The following RASA1 variants were observed in gnomAD, a reference collection of about 807,000 sequenced individuals.
The protein encoded by RASA1 is ras GTPase-activating protein 1.
In RASA1, 25 loss-of-function variants were observed where a neutral mutation model predicts 132.2. The ratio of observed to expected loss-of-function variants is 0.19; its 90% CI spans 0.14 to 0.26. The LOEUF (loss-of-function observed/expected upper bound fraction) is 0.26, where lower values mean the gene tolerates loss of function less well. RASA1 is among the 10% of genes least tolerant of loss of function. RASA1 has a pLI of 1.00. For missense variants in RASA1, 964 were observed against 1,299.2 expected, an observed-to-expected ratio of 0.74 and a Z score of 3.97; for synonymous variants, 477 against 449.9, an observed-to-expected ratio of 1.06 and a Z score of -0.76.
intron 1 of RASA1, among the ~76,000 whole-genome samples, chr5:87,288,375 G>A (rs983360425): frequency 3.0e-4 from 45 of 151,936 alleles, no homozygotes; most frequent in Non-Finnish European, 6.5e-4. Context: ...TGGCAGCAAC[G>A]ATGTCATCAA....
intron 1 of RASA1, among the ~76,000 whole-genome samples, chr5:87,305,139 A>T (rs1235684067): frequency 2.6e-5 from 4 of 151,726 alleles, no homozygotes; most frequent in African/African-American, 9.7e-5. Flanking sequence ...GTTAGCAAAA[A>T]TTTTTTATCT....
intron 14 of RASA1, 137 bp downstream of exon 14, chr5:87,374,457 ATATT>A (rs1257530188): frequency 2.5e-4 from 61 of 243,792 alleles, no homozygotes; most frequent in Middle Eastern, 1.6e-3. Flanking sequence ...ATATATATAT[ATATT>A]TTTTTTTTTT....
chr5:87,295,085 C>T (rs1331885869), intron 1 of RASA1, among the ~76,000 whole-genome samples: 1 of 152,124 alleles, frequency 6.6e-6, no homozygotes, highest in Non-Finnish European at 1.5e-5. Context: ...TTTATCATTA[C>T]TTAATGCCTC....
Position 87,268,734 on chromosome 5 carries a change from G to A in RASA1, c.283G>A (p.Val95Ile), listed in dbSNP as rs765078362. The A allele has an allele frequency of 6.2e-7, 1 of 1,612,990 alleles. No homozygotes were observed. The highest frequency in any genetic ancestry group is 8.5e-7 in the Non-Finnish European group (1 of 1,179,538). ...GACAGGGGGAGGTACTGCTGCTGGC[G>A]TAGCTGGTGCTGCTGCTGGCGTGGC... ...GLTGGGTAAG[V>I]AGAAAGVAGA... is the part of the protein sequence containing the mutation. The change falls in exon 1 of 25, where the codon GTA (valine) becomes ATA (isoleucine). Residue 95 changes from valine to isoleucine, a missense_variant. Val to Ile is a conservative substitution (Grantham distance 29, BLOSUM62 3). Coordinates refer to ENST00000274376, the MANE Select transcript of RASA1 (RefSeq NM_002890.3).
intron 21 of RASA1, among the ~76,000 whole-genome samples, chr5:87,384,148 C>T (rs373717985): frequency 6.6e-6 from 1 of 152,118 alleles, no homozygotes; most frequent in South Asian, 2.1e-4. Flanking sequence ...GCTAGATCTT[C>T]AAGATCAAAT....
At chr5:87,331,952 A>T (rs1206238758) in intron 2 of RASA1, among the ~76,000 whole-genome samples, 1 of 152,162 alleles carries the variant, frequency 6.6e-6, no homozygotes, top group East Asian at 1.9e-4. Context: ...AATATTCTGT[A>T]TATATAAACA....
intron 7 of RASA1, among the ~76,000 whole-genome samples, chr5:87,348,764 A>G (rs1759046215): frequency 6.6e-6 from 1 of 151,876 alleles, no homozygotes; most frequent in Non-Finnish European, 1.5e-5. Context: ...TAGCACAGTC[A>G]TTACTGTTTA....
chr5:87,360,174 T>G (rs1759974862), intron 9 of RASA1, among the ~76,000 whole-genome samples: 2 of 151,350 alleles, frequency 1.3e-5, no homozygotes. Context: ...TGCTCAGGCT[T>G]GGAGTGGAAT....
chr5:87,353,181 T>C lies in RASA1; in HGVS notation c.1278T>C (p.Tyr426=). The C allele has an allele frequency of 6.2e-7, 1 of 1,610,706 alleles. No homozygotes were observed. Among genetic ancestry groups the C allele is most frequent in the Middle Eastern group, 1.7e-4 (1 of 6,038 alleles). Residue 426 remains tyrosine, a synonymous_variant, in exon 9 of 25, where the codon TAT becomes TAC. Transcript: ENST00000274376. ...YNSIGDIIDH[Y]RKEQIVEGYY... ...GCATTGGGGACATCATAGATCACTA[T>C]CGAAAAGAACAGATTGTTGAAGGAT...
intron 24 of RASA1, 95 bp downstream of exon 24, chr5:87,389,622 GTTACA>G (rs1762332981): frequency 4.0e-6 from 6 of 1,507,218 alleles, no homozygotes; most frequent in African/African-American, 1.4e-5. Flanking sequence ...TTTTTATCTT[GTTACA>G]TTAAATTTTT....
intron 9 of RASA1, among the ~76,000 whole-genome samples, chr5:87,358,485 G>C (rs1267787221): frequency 6.6e-6 from 1 of 152,034 alleles, no homozygotes; most frequent in Non-Finnish European, 1.5e-5. Context: ...TAACCTGTCA[G>C]GAAGATCATA....
At chr5:87,310,987 TATTA>T (rs1580228649) in intron 1 of RASA1, among the ~76,000 whole-genome samples, 1 of 152,176 alleles carries the variant, frequency 6.6e-6, no homozygotes, top group East Asian at 1.9e-4. Context: ...CAGTAAAAAT[TATTA>T]ATTTTATTAA....
At chr5:87,310,153 T>G (rs558400071) in intron 1 of RASA1, among the ~76,000 whole-genome samples, 2 of 152,278 alleles carry the variant, frequency 1.3e-5, no homozygotes, top group African/African-American at 4.8e-5. Context: ...GAGGTTGATT[T>G]CTTTGTGAAT....
At chr5:87,378,670 C>A in intron 18 of RASA1, 132 bp downstream of exon 18, 1 of 920,884 alleles carries the variant, frequency 1.1e-6, no homozygotes, top group Non-Finnish European at 1.6e-6. Flanking sequence ...TTACACCTGT[C>A]TGTAATACAT....
intron 16 of RASA1, 56 bp downstream of exon 16, chr5:87,376,621 TTTA>T: frequency 1.3e-6 from 2 of 1,563,752 alleles, no homozygotes; most frequent in Non-Finnish European, 1.8e-6. Flanking sequence ...ACATTTAACA[TTTA>T]ATAAAAGATC....
At chr5:87,281,183 C>T (rs1243304856) in intron 1 of RASA1, among the ~76,000 whole-genome samples, 1 of 151,750 alleles carries the variant, frequency 6.6e-6, no homozygotes, top group Non-Finnish European at 1.5e-5. Flanking sequence ...GTGACCACAC[C>T]ATTTTATAGT....
intron 9 of RASA1, among the ~76,000 whole-genome samples, chr5:87,357,710 A>AG (rs1339203096): frequency 6.6e-6 from 1 of 152,086 alleles, no homozygotes; most frequent in African/African-American, 2.4e-5. Context: ...ATCTCAAAAA[A>AG]AAAGAAAAAC....
intron 9 of RASA1, among the ~76,000 whole-genome samples, chr5:87,355,326 A>G (rs1759570185): frequency 6.6e-6 from 1 of 152,188 alleles, no homozygotes; most frequent in Admixed American, 6.5e-5. Flanking sequence ...GGTTGAAACC[A>G]ATTATCGTTG....
At chr5:87,299,008 T>C (rs890965101) in intron 1 of RASA1, among the ~76,000 whole-genome samples, 19 of 152,226 alleles carry the variant, frequency 1.2e-4, no homozygotes, top group Non-Finnish European at 2.4e-4. Context: ...CATTAACTTA[T>C]TTATGCCTAG....
Sources: gnomAD v4.1 joint callset for allele counts (sites outside exome capture counted in the v4.1 genomes callset) on GRCh38, gnomAD v4.1.1 for gene constraint, MANE v1.5 for transcripts, NCBI Gene and HGNC (gene_info 2026-07-23, HGNC 2026-07-21) for gene names.